UVRAG: variants seen among roughly 807,000 people sequenced by gnomAD.
UVRAG encodes UV radiation resistance-associated gene protein.
UVRAG carries 19 observed loss-of-function variants against 78.0 expected under a neutral mutation model. The ratio of observed to expected loss-of-function variants is 0.24; its 90% confidence interval spans 0.17 to 0.36. The LOEUF (loss-of-function observed/expected upper bound fraction) is 0.36, where lower values mean the gene tolerates loss of function less well. Among genes scored for constraint, UVRAG ranks in the 10% least tolerant of loss-of-function variants. The pLI, the probability that UVRAG is intolerant of heterozygous loss-of-function variation, is 1.00. For synonymous variants in UVRAG, 323 were observed against 324.6 expected (o/e 1.00, Z 0.05); for missense variants, 740 against 853.8 (o/e 0.87, Z 1.66).
intron 1 of UVRAG, among the ~76,000 whole-genome samples, chr11:75,819,906 T>C (rs1723143645): frequency 6.6e-6 from 1 of 152,070 alleles, no homozygotes; most frequent in Non-Finnish European, 1.5e-5. Context: ...AGGCAGAGGT[T>C]GCAGTGAGCT....
chr11:75,887,002 G>T (rs1474831365), intron 4 of UVRAG, among the ~76,000 whole-genome samples: 2 of 145,608 alleles, frequency 1.4e-5, no homozygotes, highest in African/African-American at 2.6e-5. Flanking sequence ...GTCTCGCTCT[G>T]TCGCCCAGGC....
At chr11:75,821,649 T>C (rs1437324688) in intron 1 of UVRAG, among the ~76,000 whole-genome samples, 1 of 152,192 alleles carries the variant, frequency 6.6e-6, no homozygotes, top group Non-Finnish European at 1.5e-5. Flanking sequence ...CCTTAGTTTT[T>C]ACCTGATGTC....
intron 6 of UVRAG, chr11:75,942,046 G>A (rs1290592183): frequency 6.6e-6 from 1 of 151,984 alleles, no homozygotes; most frequent in Non-Finnish European, 1.5e-5. Context: ...AAAGAGATGG[G>A]GTGCCAGTTA....
intron 13 of UVRAG, among the ~76,000 whole-genome samples, chr11:76,101,215 C>CGG (rs1463224045): frequency 6.6e-6 from 1 of 152,112 alleles, no homozygotes; most frequent in Non-Finnish European, 1.5e-5. Context: ...CTCCTGCCAA[C>CGG]AGTGTATAAG....
rs929684673 is a variant in UVRAG at position 76,053,340 on chromosome 11, CACAA to C, written c.1227-12368_1227-12365del. ...ACACACACACACACACACACACACACACAAAAATAAATATGCACCTGCTCCTTCT... is the reference window on the plus strand; with the variant it reads ...ACACACACACACACACACACACACACAAATAAATATGCACCTGCTCCTTCT... On this transcript the variant is annotated intron_variant, in intron 12 of 14. Transcript: ENST00000356136. 2.6e-4 allele frequency among the ~76,000 whole-genome samples: 40 copies of C among 151,486 alleles called. 1 individual carries two copies. The highest frequency in any genetic ancestry group is 8.3e-4 in the African/African-American group (34 of 41,130).
rs373313786 is a variant in UVRAG, at chr11:75,888,819, CCT to C, written c.433-5_433-4del. On this transcript the variant is annotated splice_region_variant and splice_polypyrimidine_tract_variant and intron_variant, in intron 4 of 14. Coordinates refer to ENST00000356136, the MANE Select transcript of UVRAG (RefSeq NM_003369.4). Reference sequence around the variant, plus strand: ...AAAATAACAAATACTGTATTTTCCTCCTCTCTTAGATTCATGCCCGAAACCAA... The same window carrying C: ...AAAATAACAAATACTGTATTTTCCTCCTCTTAGATTCATGCCCGAAACCAA... 28 of 1,608,812 alleles carry C rather than the reference CCT, an allele frequency of 1.7e-5. No homozygotes were observed. The East Asian group carries it at 3.8e-4, about 22-fold the overall frequency.
At chr11:75,878,166 T>G (rs1402899747) in intron 3 of UVRAG, among the ~76,000 whole-genome samples, 1 of 142,658 alleles carries the variant, frequency 7.0e-6, no homozygotes, top group Non-Finnish European at 1.5e-5. Flanking sequence ...GCAGAGACGC[T>G]CCTCACCTCC....
intron 1 of UVRAG, 101 bp downstream of exon 1, chr11:75,815,625 C>A: frequency 1.4e-6 from 1 of 726,326 alleles, no homozygotes; most frequent in Non-Finnish European, 1.9e-6. Context: ...ACACCCAGAG[C>A]AGGGACCCGG....
At chr11:75,943,063 AAAAAT>A (rs1948517245) in intron 6 of UVRAG, among the ~76,000 whole-genome samples, 2 of 152,122 alleles carry the variant, frequency 1.3e-5, no homozygotes, top group South Asian at 4.1e-4. Context: ...CCTGTCTCTA[AAAAAT>A]AAAATAAAAA....
rs370949260 is a variant in UVRAG, at chr11:75,876,069, C to T, written c.271-3810C>T. Among the ~76,000 whole-genome samples the T allele has an allele frequency of 5.4e-4, 82 of 152,236 alleles. 1 individual carries two copies. The South Asian group carries it at 0.011, about 20-fold the overall frequency. ...CCAAAGCCCCGGCTTTGTATAGATC[C>T]GTCATGGCTTCACGACAAAGACCTC... On this transcript the variant is annotated intron_variant, in intron 3 of 14. Transcript: ENST00000356136.
chr11:75,917,936 G>A (rs1947893494), intron 6 of UVRAG, among the ~76,000 whole-genome samples: 1 of 152,160 alleles, frequency 6.6e-6, no homozygotes, highest in Non-Finnish European at 1.5e-5. Context: ...AAGCAGTTAA[G>A]TAACTTCACC....
At chr11:76,101,213 A>G (rs1027297155) in intron 13 of UVRAG, among the ~76,000 whole-genome samples, 1 of 152,106 alleles carries the variant, frequency 6.6e-6, no homozygotes, top group South Asian at 2.1e-4. Context: ...CACTCCTGCC[A>G]ACAGTGTATA....
At chr11:75,823,656 G>A (rs558716840) in intron 1 of UVRAG, among the ~76,000 whole-genome samples, 1 of 152,314 alleles carries the variant, frequency 6.6e-6, no homozygotes, top group South Asian at 2.1e-4. Context: ...GTCACACAGA[G>A]TGTCAACAAA....
Position 76,141,624 on chromosome 11 carries a change from G to A in UVRAG, c.*211G>A. The A allele has an allele frequency of 3.4e-6, 2 of 592,858 alleles. No individual in the cohort carries two copies. The highest frequency in any genetic ancestry group is 4.6e-5 in the South Asian group (2 of 43,592). The allele number at this position is 592,858 out of a possible 1,614,324, so 36.7% of individuals were successfully genotyped here. ...TTTGCTTTCAAGATTTGCTTTTCGG[G>A]CCTGATGATTTTAAAGCAAAAATCA... is the stretch of plus-strand genomic sequence containing the variant. On this transcript the variant is annotated 3_prime_UTR_variant, in exon 15 of 15. Transcript: ENST00000356136.
chr11:76,137,815 G>T (rs1952627334), intron 14 of UVRAG: 2 of 257,360 alleles, frequency 7.8e-6, no homozygotes, highest in South Asian at 9.7e-5. Context: ...GACTGAGGTG[G>T]GAGGATCCCT....
intron 6 of UVRAG, among the ~76,000 whole-genome samples, chr11:75,943,727 A>G (rs1401635426): frequency 6.6e-6 from 1 of 152,120 alleles, no homozygotes; most frequent in Non-Finnish European, 1.5e-5. Context: ...TCCTCAATAG[A>G]ACTTTCCCAC....
Position 75,879,982 on chromosome 11 carries a change from A to C in UVRAG, c.374A>C (p.Tyr125Ser). The C allele has an allele frequency of 1.9e-6, 3 of 1,614,170 alleles. No individual in the cohort carries two copies. Among genetic ancestry groups the C allele is most frequent in the Non-Finnish European group, 2.5e-6 (3 of 1,180,008 alleles). ...VKIWGGKENIYQLLIEWKVCL... is the reference protein window; with the variant it reads ...VKIWGGKENISQLLIEWKVCL... Reference sequence around the variant, plus strand: ...ATATGGGGTGGAAAGGAGAACATCTACCAGCTGTTGATTGAATGGAAAGTC... The same window carrying C: ...ATATGGGGTGGAAAGGAGAACATCTCCCAGCTGTTGATTGAATGGAAAGTC... Residue 125 changes from tyrosine (Y) to serine (S), a missense_variant, in exon 4 of 15, where the codon TAC becomes TCC. Transcript: ENST00000356136.
At chr11:75,829,438 G>T (rs1945605453) in intron 1 of UVRAG, among the ~76,000 whole-genome samples, 1 of 152,204 alleles carries the variant, frequency 6.6e-6, no homozygotes. Flanking sequence ...GTAATTGAAA[G>T]ACTTTCTTAA....
intron 1 of UVRAG, among the ~76,000 whole-genome samples, chr11:75,819,346 T>C (rs1945337076): frequency 6.6e-6 from 1 of 152,160 alleles, no homozygotes; most frequent in Non-Finnish European, 1.5e-5. Context: ...ACACTTTTTT[T>C]TTGTTTTGTT....
Sources: gnomAD v4.1 joint callset for allele counts (sites outside exome capture counted in the v4.1 genomes callset) on GRCh38, gnomAD v4.1.1 for gene constraint, MANE v1.5 for transcripts, NCBI Gene and HGNC (gene_info 2026-07-23, HGNC 2026-07-21) for gene names.